The following GPC5 variants were observed in gnomAD, a reference collection of about 807,000 sequenced individuals.
GPC5 encodes the protein glypican 5.
GPC5 carries 47 observed loss-of-function variants against 53.9 expected under a neutral mutation model. The ratio of observed to expected loss-of-function variants is 0.87; its 90% confidence interval spans 0.69 to 1.11. The LOEUF (loss-of-function observed/expected upper bound fraction) is 1.11. GPC5 is among the 50% of genes most tolerant of loss of function. The pLI is 0.00. For synonymous variants in GPC5, 286 were observed against 263.3 expected (o/e 1.09, Z -0.84); for missense variants, 748 against 713.1 (o/e 1.05, Z -0.56).
At chr13:91,982,681 G>A (rs2040369775) in intron 6 of GPC5, among the ~76,000 whole-genome samples, 1 of 152,124 alleles carries the variant, frequency 6.6e-6, no homozygotes, top group African/African-American at 2.4e-5. Context: ...GTTTTAAGAA[G>A]GAGAAAGTGA....
intron 6 of GPC5, among the ~76,000 whole-genome samples, chr13:92,080,040 G>A (rs1283699415): frequency 2.6e-5 from 4 of 152,006 alleles, no homozygotes; most frequent in Non-Finnish European, 5.9e-5. Context: ...TTAATTCATG[G>A]GTATTTTCCA....
intron 1 of GPC5, among the ~76,000 whole-genome samples, chr13:91,408,242 T>A (rs944322238): frequency 1.3e-5 from 2 of 152,246 alleles, no homozygotes; most frequent in East Asian, 3.9e-4. Context: ...CTCCTGATAA[T>A]CACCATTCTC....
At chr13:91,518,562 T>C (rs1885633838) in intron 2 of GPC5, among the ~76,000 whole-genome samples, 1 of 152,170 alleles carries the variant, frequency 6.6e-6, no homozygotes, top group African/African-American at 2.4e-5. Context: ...ATTTCTTTTT[T>C]CTTTTTTTGA....
At chr13:91,478,546 C>G (rs1883073259) in intron 2 of GPC5, among the ~76,000 whole-genome samples, 1 of 151,430 alleles carries the variant, frequency 6.6e-6, no homozygotes, top group African/African-American at 2.4e-5. Flanking sequence ...CACATTTTAT[C>G]TTGAAATTTG....
At chr13:91,952,243 A>G (rs933584775) in intron 6 of GPC5, among the ~76,000 whole-genome samples, 3 of 151,850 alleles carry the variant, frequency 2.0e-5, no homozygotes, top group Non-Finnish European at 4.4e-5. Flanking sequence ...CAGGCACTGC[A>G]GTGGTTACTT....
intron 6 of GPC5, among the ~76,000 whole-genome samples, chr13:92,026,720 T>C (rs2040803895): frequency 6.6e-6 from 1 of 152,022 alleles, no homozygotes; most frequent in African/African-American, 2.4e-5. Context: ...TAATGAAAAA[T>C]TATTATTGGT....
intron 5 of GPC5, among the ~76,000 whole-genome samples, chr13:91,824,259 G>T (rs1250262774): frequency 6.6e-6 from 1 of 152,050 alleles, no homozygotes; most frequent in East Asian, 1.9e-4. Context: ...TAAAGAGAAA[G>T]ACAGAAAGAT....
intron 7 of GPC5, among the ~76,000 whole-genome samples, chr13:92,591,649 C>A (rs1033387494): frequency 6.6e-6 from 1 of 152,056 alleles, no homozygotes; most frequent in Non-Finnish European, 1.5e-5. Context: ...TATATATCAT[C>A]ATTAGTTATA....
In GPC5 at chr13:92,698,584, G is replaced by C. The variant is rs1034093779; in HGVS notation, c.1562-167698G>C. The stretch of plus-strand genomic sequence containing the variant: ...TCTATCATTTTGAACATTCGGGTTG[G>C]TTCCAAGTCTTTGCTATTGTGAACA... On this transcript the variant is annotated intron_variant, in intron 7 of 7. Transcript: ENST00000377067. Among the ~76,000 whole-genome samples the C allele has an allele frequency of 4.6e-5, 7 of 152,114 alleles. 1 individual carries two copies. The highest frequency in any genetic ancestry group is 1.3e-4 in the Admixed American group (2 of 15,256).
At chr13:91,877,174 G>A (rs1220053617) in intron 5 of GPC5, among the ~76,000 whole-genome samples, 1 of 152,222 alleles carries the variant, frequency 6.6e-6, no homozygotes, top group Non-Finnish European at 1.5e-5. Context: ...ACCTCTGCCA[G>A]GGCAGTGTGG....
chr13:92,305,165 C>G (rs1348070941), intron 7 of GPC5, among the ~76,000 whole-genome samples: 5 of 152,090 alleles, frequency 3.3e-5, no homozygotes, highest in Admixed American at 3.3e-4. Context: ...GTCATCAAAT[C>G]TGAGTTAAGA....
chr13:91,556,152 A>G (rs1443141664), intron 2 of GPC5, among the ~76,000 whole-genome samples: 7 of 151,980 alleles, frequency 4.6e-5, no homozygotes, highest in Non-Finnish European at 8.8e-5. Flanking sequence ...CAAGAACACT[A>G]TATAACTGGA....
chr13:92,181,192 T>C (rs2042144631), intron 7 of GPC5, among the ~76,000 whole-genome samples: 1 of 152,120 alleles, frequency 6.6e-6, no homozygotes, highest in Non-Finnish European at 1.5e-5. Context: ...AAAGTTTTCT[T>C]CAATAAGTCC....
intron 7 of GPC5, among the ~76,000 whole-genome samples, chr13:92,707,119 CT>C (rs576867347): frequency 8.3e-4 from 122 of 146,938 alleles, no homozygotes; most frequent in African/African-American, 2.9e-3. Flanking sequence ...TACATGGCTG[CT>C]GTTCAAGCAG....
At chr13:92,817,709 A>G (rs1198129174) in intron 7 of GPC5, among the ~76,000 whole-genome samples, 2 of 151,940 alleles carry the variant, frequency 1.3e-5, no homozygotes, top group Non-Finnish European at 2.9e-5. Flanking sequence ...TGAAGTCATA[A>G]AAGTATACCG....
At position 91,716,448 on chromosome 13, in the gene GPC5, A is replaced by G. The variant is rs186528968; in HGVS notation, c.1021-12084A>G. Among the ~76,000 whole-genome samples, 4 of 152,290 alleles carry G rather than the reference A, an allele frequency of 2.6e-5. No individual in the cohort carries two copies. The East Asian group carries it at 7.7e-4, about 29-fold the overall frequency. On this transcript the variant is annotated intron_variant, in intron 3 of 7. Transcript: ENST00000377067. ...ACTGTGAATATTTAAATGTTTTTCT[A>G]TTTAGTTGGATGAAATTATATTTTC...
chr13:92,538,227 G>A (rs79031929), intron 7 of GPC5, among the ~76,000 whole-genome samples: 4 of 144,404 alleles, frequency 2.8e-5, no homozygotes, highest in South Asian at 2.2e-4. Flanking sequence ...CTCCACTTCC[G>A]TTCCCTCTCC....
chr13:92,818,146 G>A (rs1311531724), intron 7 of GPC5, among the ~76,000 whole-genome samples: 1 of 151,386 alleles, frequency 6.6e-6, no homozygotes, highest in Non-Finnish European at 1.5e-5. Flanking sequence ...CTGAGTAGCT[G>A]GGATTACAGG....
At chr13:92,593,253 C>T (rs1176539439) in intron 7 of GPC5, among the ~76,000 whole-genome samples, 1 of 151,148 alleles carries the variant, frequency 6.6e-6, no homozygotes, top group African/African-American at 2.4e-5. Flanking sequence ...TGCAGGAGTG[C>T]ATGACAGTGG....
Sources: gnomAD v4.1 joint callset for allele counts (sites outside exome capture counted in the v4.1 genomes callset) on GRCh38, gnomAD v4.1.1 for gene constraint, MANE v1.5 for transcripts, NCBI Gene and HGNC (gene_info 2026-07-23, HGNC 2026-07-21) for gene names.